The following TMEM131 variants were observed in gnomAD, a reference collection of about 807,000 sequenced individuals.
TMEM131 encodes the protein 2610524E03Rik.
A neutral mutation model predicts 211.6 loss-of-function variants in TMEM131; 66 were observed. The observed-to-expected ratio is 0.31, with a 90% CI of 0.26 to 0.38. The LOEUF is 0.38. Ranked by LOEUF, TMEM131 falls within the 10% of genes least tolerant of loss-of-function variation. TMEM131 has a pLI of 1.00. For missense variants in TMEM131, 2,036 were observed against 2,299.3 expected, an observed-to-expected ratio of 0.89 and a Z score of 2.34; for synonymous variants, 844 against 841.3, an observed-to-expected ratio of 1.00 and a Z score of -0.06.
chr2:97,878,268 C>G (rs1456968091), intron 4 of TMEM131, among the ~76,000 whole-genome samples: 4 of 152,164 alleles, frequency 2.6e-5, no homozygotes, highest in Middle Eastern at 3.2e-3. Context: ...TAAATTAGTT[C>G]AACCATTGTA....
In TMEM131 at chr2:97,756,613, CTA is replaced by C. The variant is rs1393563168; in HGVS notation, c.*484_*485del. 6.6e-6 allele frequency: 1 copy of C among 152,380 alleles called. No homozygotes were observed. The highest frequency in any genetic ancestry group is 2.4e-5 in the African/African-American group (1 of 41,472). 9.4% of individuals were successfully genotyped at this position (152,380 alleles called of 1,614,324 possible). A position where few individuals can be genotyped will look rare whatever the true frequency, so the allele number is the denominator to read the frequency against. ...GACAGCCTTACTTTAAAAAAATACT[CTA>C]TTTTCAGCACAAAGTCCTCATACAG... On this transcript the variant is annotated 3_prime_UTR_variant, in exon 41 of 41. Coordinates refer to ENST00000186436, the MANE Select transcript of TMEM131 (RefSeq NM_015348.2).
chr2:97,987,538 A>G (rs1326294948), intron 1 of TMEM131, among the ~76,000 whole-genome samples: 1 of 152,086 alleles, frequency 6.6e-6, no homozygotes, highest in African/African-American at 2.4e-5. Context: ...AAAAGTCACA[A>G]ACTGTTAGAA....
chr2:97,851,719 A>G (rs1673634888), intron 5 of TMEM131, among the ~76,000 whole-genome samples: 1 of 152,236 alleles, frequency 6.6e-6, no homozygotes, highest in African/African-American at 2.4e-5. Flanking sequence ...ACCACAAATT[A>G]TGCCCACATA....
chr2:97,979,314 C>T (rs886557326), intron 1 of TMEM131, among the ~76,000 whole-genome samples: 5 of 152,230 alleles, frequency 3.3e-5, no homozygotes, highest in Non-Finnish European at 5.9e-5. Flanking sequence ...TAGTTCCTAA[C>T]AAGAGAGTCA....
At chr2:97,918,145 T>C (rs1045075807) in intron 2 of TMEM131, among the ~76,000 whole-genome samples, 3 of 152,152 alleles carry the variant, frequency 2.0e-5, no homozygotes, top group African/African-American at 7.2e-5. Flanking sequence ...GTTTTCACCA[T>C]GTTGGTCACG....
intron 32 of TMEM131, among the ~76,000 whole-genome samples, chr2:97,775,612 G>A (rs1453904191): frequency 6.6e-6 from 1 of 152,122 alleles, no homozygotes; most frequent in Admixed American, 6.5e-5. Flanking sequence ...GCTTCCAGCT[G>A]TTCTTCCCTG....
intron 11 of TMEM131, among the ~76,000 whole-genome samples, chr2:97,823,654 T>C (rs978745840): frequency 5.3e-5 from 8 of 151,964 alleles, no homozygotes; most frequent in South Asian, 2.1e-4. Context: ...GGGACTGGAG[T>C]TGTAAACATC....
At chr2:97,948,400 C>T (rs569157341) in intron 1 of TMEM131, among the ~76,000 whole-genome samples, 2 of 152,164 alleles carry the variant, frequency 1.3e-5, no homozygotes, top group Non-Finnish European at 2.9e-5. Context: ...TGTGAACAGA[C>T]ATTTAAGCAA....
At chr2:97,872,468 A>G (rs1285176346) in intron 4 of TMEM131, among the ~76,000 whole-genome samples, 1 of 152,026 alleles carries the variant, frequency 6.6e-6, no homozygotes, top group Non-Finnish European at 1.5e-5. Flanking sequence ...ATAAAAACCA[A>G]TTGCTGGCAA....
In TMEM131 at chr2:97,757,188, T is replaced by C. The variant is rs761420195; in HGVS notation, c.5563A>G (p.Thr1855Ala). 5 of 1,614,006 alleles carry C rather than the reference T, an allele frequency of 3.1e-6. No individual in the cohort carries two copies. The highest frequency in any genetic ancestry group is 3.4e-6 in the Non-Finnish European group (4 of 1,179,890). The change falls in exon 41 of 41, where the codon ACC becomes GCC. Residue 1855 changes from threonine (T) to alanine (A), a missense_variant. By Grantham distance (58) the Thr-to-Ala change is moderately conservative (BLOSUM62 0). This residue lies in a region of TMEM131 where 1,623 missense variants were observed against 1,805.9 expected (regional missense o/e 0.90). Transcript: ENST00000186436. ...CTCCATATCCGCCACGGGTTGTAGG[T>C]CTGTCCCAAGTCGTCAGCTGGACTG... ...TSSPADDLGQ[T>A]YNPWRIWSPT...
At chr2:97,955,641 A>G (rs1469440100) in intron 1 of TMEM131, among the ~76,000 whole-genome samples, 1 of 152,218 alleles carries the variant, frequency 6.6e-6, no homozygotes, top group Non-Finnish European at 1.5e-5. Context: ...TAACATTTCT[A>G]TATACTAACA....
chr2:97,756,889 A>C lies in TMEM131; in HGVS notation c.*210T>G. The C allele has an allele frequency of 1.8e-6, 1 of 543,734 alleles. No homozygotes were observed. Among genetic ancestry groups the C allele is most frequent in the Non-Finnish European group, 3.0e-6 (1 of 332,320 alleles). The allele number at this position is 543,734 out of a possible 1,614,324, so 33.7% of individuals were successfully genotyped here. The stretch of plus-strand genomic sequence containing the variant: ...TGTGGCTGAGTCCAGACTTTTCTCT[A>C]AAAGCACAACAGCAAATCTCATGTT... On this transcript the variant is annotated 3_prime_UTR_variant, in exon 41 of 41. Coordinates refer to ENST00000186436, the MANE Select transcript of TMEM131 (RefSeq NM_015348.2).
At chr2:97,934,993 G>GAA (rs61587052) in intron 1 of TMEM131, among the ~76,000 whole-genome samples, 12 of 148,876 alleles carry the variant, frequency 8.1e-5, no homozygotes, top group Non-Finnish European at 1.0e-4. Flanking sequence ...GCACAATCCA[G>GAA]AAAAAAAAAA....
At chr2:97,815,065 G>T in intron 13 of TMEM131, 134 bp downstream of exon 13, 1 of 462,476 alleles carries the variant, frequency 2.2e-6, no homozygotes, top group Non-Finnish European at 3.6e-6. Flanking sequence ...TTTTATAGTT[G>T]GGGCTGTTCT....
At chr2:97,804,774 T>C (rs962912871) in intron 22 of TMEM131, among the ~76,000 whole-genome samples, 10 of 152,202 alleles carry the variant, frequency 6.6e-5, no homozygotes, top group African/African-American at 2.4e-4. Context: ...AAAACTTTCT[T>C]TCCTATGCAA....
At chr2:97,796,440 T>A (rs1156891146) in intron 27 of TMEM131, 36 bp from the exon 28 acceptor site, 1 of 1,276,684 alleles carries the variant, frequency 7.8e-7, no homozygotes, top group African/African-American at 1.5e-5. Flanking sequence ...GACTAAATCT[T>A]GCCATCATGT....
At chr2:97,899,364 A>G (rs1675752876) in intron 3 of TMEM131, among the ~76,000 whole-genome samples, 1 of 152,176 alleles carries the variant, frequency 6.6e-6, no homozygotes, top group Non-Finnish European at 1.5e-5. Context: ...TAATATCTCC[A>G]ATATATAAAG....
chr2:97,814,695 G>A (rs1285347835), intron 13 of TMEM131, among the ~76,000 whole-genome samples: 1 of 152,078 alleles, frequency 6.6e-6, no homozygotes. Context: ...GAATTACAAG[G>A]AGCTTTGCTA....
intron 1 of TMEM131, among the ~76,000 whole-genome samples, chr2:97,989,477 G>A (rs1680168911): frequency 7.2e-5 from 11 of 152,064 alleles, no homozygotes; most frequent in Admixed American, 6.5e-4. Context: ...GGTAGGGAGA[G>A]AAATAGGAAG....
Sources: gnomAD v4.1 joint callset for allele counts (sites outside exome capture counted in the v4.1 genomes callset) on GRCh38, gnomAD v4.1.1 for gene constraint, gnomAD v4.1.1 regional missense constraint, MANE v1.5 for transcripts, NCBI Gene and HGNC (gene_info 2026-07-23, HGNC 2026-07-21) for gene names.